MYOM2: variants seen among roughly 807,000 people sequenced by gnomAD.
MYOM2 encodes the protein myomesin 2.
Under a neutral mutation model 187.6 loss-of-function variants are expected in MYOM2, and 254 were observed. The ratio of observed to expected loss-of-function variants is 1.35; its 90% CI spans 1.22 to 1.50. The LOEUF is 1.50. Among genes scored for constraint, MYOM2 ranks in the 40% most tolerant of loss-of-function variants. The probability of loss-of-function intolerance (pLI) is 0.00; values close to 1 mark genes in which losing one functional copy is unlikely to be tolerated. For missense variants in MYOM2, 2,796 were observed against 1,924.0 expected, an observed-to-expected ratio of 1.45 and a Z score of -8.48; for synonymous variants, 981 against 753.8, an observed-to-expected ratio of 1.30 and a Z score of -4.94.
In MYOM2 at chr8:2,106,483, C is replaced by G. The variant is rs1486484697; in HGVS notation, c.2892-8C>G. 1 of 1,610,702 alleles carries G rather than the reference C, an allele frequency of 6.2e-7. No individual in the cohort carries two copies. The highest frequency in any genetic ancestry group is 1.3e-5 in the African/African-American group (1 of 74,858). On this transcript the variant is annotated splice_region_variant and splice_polypyrimidine_tract_variant and intron_variant, in intron 22 of 36. Coordinates refer to ENST00000262113, the MANE Select transcript of MYOM2 (RefSeq NM_003970.4). The stretch of plus-strand genomic sequence containing the variant: ...GATCGACATTCACCTACTCTTCTTC[C>G]TTTTTAGCTCCAAGCTGTACTTAAA...
intron 3 of MYOM2, among the ~76,000 whole-genome samples, chr8:2,057,114 T>C (rs1818691725): frequency 6.6e-6 from 1 of 152,216 alleles, no homozygotes; most frequent in South Asian, 2.1e-4. Context: ...ATTTTTTTAT[T>C]AATAAATCAC....
intron 1 of MYOM2, among the ~76,000 whole-genome samples, chr8:2,045,448 G>A (rs774804115): frequency 6.6e-6 from 1 of 152,220 alleles, no homozygotes; most frequent in African/African-American, 2.4e-5. Flanking sequence ...TTGGGTTTTA[G>A]CCCTGGTCTC....
intron 3 of MYOM2, among the ~76,000 whole-genome samples, chr8:2,056,090 G>C (rs1047250434): frequency 6.6e-6 from 1 of 152,202 alleles, no homozygotes; most frequent in African/African-American, 2.4e-5. Context: ...GGGGAATACA[G>C]AGGTGAGAAG....
intron 17 of MYOM2, among the ~76,000 whole-genome samples, chr8:2,094,585 A>T (rs1161197129): frequency 1.3e-5 from 2 of 152,162 alleles, no homozygotes; most frequent in Non-Finnish European, 2.9e-5. Flanking sequence ...TGGGAGGCGG[A>T]GTTTGCAGTG....
chr8:2,050,735 G>C lies in MYOM2; in HGVS notation c.-12-20G>C, dbSNP rs369837001. ...GATGCTTGCGAGGGAGCTCAGTGTT[G>C]TGTGTGACTCTCTTTGTAGGAGCAC... On this transcript the variant is annotated intron_variant, in intron 1 of 36. Transcript: ENST00000262113. 4.1e-6 allele frequency: 6 copies of C among 1,461,182 alleles called. No homozygotes were observed. The highest frequency in any genetic ancestry group is 5.8e-6 in the Non-Finnish European group (6 of 1,042,460). The allele number at this position is 1,461,182 out of a possible 1,614,324, so 90.5% of individuals were successfully genotyped here.
At chr8:2,103,190 T>G (rs1796771396) in intron 21 of MYOM2, among the ~76,000 whole-genome samples, 1 of 151,868 alleles carries the variant, frequency 6.6e-6, no homozygotes, top group East Asian at 1.9e-4. Flanking sequence ...TGGACGGGTG[T>G]GTGGATAAAT....
At chr8:2,143,093 G>A (rs961741480) in intron 35 of MYOM2, among the ~76,000 whole-genome samples, 2 of 151,920 alleles carry the variant, frequency 1.3e-5, no homozygotes, top group African/African-American at 4.8e-5. Context: ...AGGGACACAC[G>A]CGGCTCTCCA....
chr8:2,085,501 G>A lies in MYOM2; in HGVS notation c.1644+111G>A, dbSNP rs1471622429. The A allele has an allele frequency of 3.5e-4, 394 of 1,120,100 alleles. 29 individuals carry two copies. The highest frequency in any genetic ancestry group is 5.7e-4 in the South Asian group (35 of 61,484). The allele number at this position is 1,120,100 out of a possible 1,614,324, so 69.4% of individuals were successfully genotyped here. ...GATCTCCGCGTGGCCCCTCACTGTT[G>A]TGATCTCCGCGTGGCCCCCCACTGT... On this transcript the variant is annotated intron_variant, in intron 14 of 36. Coordinates refer to ENST00000262113, the MANE Select transcript of MYOM2 (RefSeq NM_003970.4).
At position 2,116,883 on chromosome 8, in the gene MYOM2, G is replaced by A. The variant is rs915235444; in HGVS notation, c.3385+608G>A. Among the ~76,000 whole-genome samples, 5 of 152,020 alleles carry A rather than the reference G, an allele frequency of 3.3e-5. No individual in the cohort carries two copies. The East Asian group carries it at 5.8e-4, about 18-fold the overall frequency. ...CGCCGTTCTCCTGCCTCAGCCTCCC[G>A]AATAGCTGGGACTACAGGCGCCCGC... On this transcript the variant is annotated intron_variant, in intron 27 of 36. Coordinates refer to ENST00000262113, the MANE Select transcript of MYOM2 (RefSeq NM_003970.4).
intron 28 of MYOM2, chr8:2,119,451 GGT>G (rs1797352914): frequency 6.5e-6 from 1 of 153,202 alleles, no homozygotes; most frequent in African/African-American, 2.4e-5. Context: ...TGCGTGGCCG[GGT>G]GAGGAGGGGC....
intron 2 of MYOM2, 77 bp downstream of exon 2, chr8:2,050,950 G>C (rs1318418688): frequency 5.9e-6 from 7 of 1,178,132 alleles, no homozygotes; most frequent in Non-Finnish European, 8.6e-6. Context: ...TTCCAGTTCC[G>C]TCAGCCCTGG....
chr8:2,111,010 G>C (rs144620864), intron 25 of MYOM2, among the ~76,000 whole-genome samples: 21 of 152,370 alleles, frequency 1.4e-4, no homozygotes, highest in African/African-American at 5.0e-4. Context: ...GCCTATGGGA[G>C]ACTTACTGTC....
Position 2,120,351 on chromosome 8 carries a change from G to A in MYOM2, c.3453+2399G>A, listed in dbSNP as rs951371254. 1.4e-4 allele frequency among the ~76,000 whole-genome samples: 22 copies of A among 152,046 alleles called. 1 individual carries two copies. Among genetic ancestry groups the A allele is most frequent in the African/African-American group, 5.1e-4 (21 of 41,476 alleles). ...AGAGGAGGCAGGGCTAAGCCTTGGT[G>A]ATCTCCACTTGGCCACCTCAGCGGG... On this transcript the variant is annotated intron_variant, in intron 28 of 36. Coordinates refer to ENST00000262113, the MANE Select transcript of MYOM2 (RefSeq NM_003970.4).
At chr8:2,112,377 G>A (rs1370536460) in intron 25 of MYOM2, among the ~76,000 whole-genome samples, 1 of 150,812 alleles carries the variant, frequency 6.6e-6, no homozygotes, top group East Asian at 1.9e-4. Context: ...TGGGTGTTAA[G>A]GAGGTAGAAA....
chr8:2,121,882 G>A (rs1310153273), intron 28 of MYOM2, among the ~76,000 whole-genome samples: 1 of 152,208 alleles, frequency 6.6e-6, no homozygotes, highest in Admixed American at 6.5e-5. Context: ...AGACATTCAT[G>A]TGCAGTTTAG....
chr8:2,057,997 G>A (rs1461789817), intron 5 of MYOM2, among the ~76,000 whole-genome samples: 1 of 113,170 alleles, frequency 8.8e-6, no homozygotes, highest in Non-Finnish European at 1.8e-5. Flanking sequence ...TTTTTCAGAG[G>A]GTTTTTTTTT....
intron 1 of MYOM2, among the ~76,000 whole-genome samples, chr8:2,049,331 C>T (rs1351892041): frequency 1.3e-5 from 2 of 152,120 alleles, no homozygotes; most frequent in Non-Finnish European, 2.9e-5. Flanking sequence ...TCCTTTCTGG[C>T]CCTCGTGTCC....
chr8:2,050,998 G>T, intron 2 of MYOM2, 125 bp downstream of exon 2: 1 of 709,366 alleles, frequency 1.4e-6, no homozygotes, highest in South Asian at 1.8e-5. Flanking sequence ...GAGCAGAGAT[G>T]GCAGCCTCTC....
chr8:2,055,818 A>G (rs1818645641), intron 3 of MYOM2, among the ~76,000 whole-genome samples: 1 of 152,108 alleles, frequency 6.6e-6, no homozygotes, highest in African/African-American at 2.4e-5. Context: ...AGTTCTCCCC[A>G]GGTCTCTGGA....
Sources: gnomAD v4.1 joint callset for allele counts (sites outside exome capture counted in the v4.1 genomes callset) on GRCh38, gnomAD v4.1.1 for gene constraint, MANE v1.5 for transcripts, NCBI Gene and HGNC (gene_info 2026-07-23, HGNC 2026-07-21) for gene names.